GSG1L: variants seen among roughly 807,000 people sequenced by gnomAD.
GSG1L encodes the protein germ cell-specific gene 1-like protein.
GSG1L carries 24 observed loss-of-function variants against 42.1 expected under a neutral mutation model. The observed-to-expected ratio is 0.57, with a 90% CI of 0.41 to 0.80. The LOEUF (loss-of-function observed/expected upper bound fraction) is 0.80. Ranked by LOEUF, GSG1L falls within the 30% of genes least tolerant of loss-of-function variation. GSG1L has a pLI of 0.00. For missense variants in GSG1L, 445 were observed against 472.2 expected (o/e 0.94, Z 0.53); for synonymous variants, 215 against 203.5 (o/e 1.06, Z -0.48).
chr16:27,992,450 G>T (rs948516434), intron 1 of GSG1L, among the ~76,000 whole-genome samples: 1 of 151,512 alleles, frequency 6.6e-6, no homozygotes, highest in African/African-American at 2.4e-5. Context: ...AGCTGAGATT[G>T]TGTCACTGCA....
At chr16:27,946,657 AAAG>A (rs2084874620) in intron 2 of GSG1L, among the ~76,000 whole-genome samples, 1 of 4,576 alleles carries the variant, frequency 2.2e-4, no homozygotes, top group African/African-American at 1.4e-3. Context: ...GAAAGAAAGA[AAAG>A]AAAGAAAGAA....
chr16:27,829,013 A>T (rs1167010152), intron 4 of GSG1L, 57 bp from the exon 5 acceptor site: 7 of 1,531,690 alleles, frequency 4.6e-6, no homozygotes, highest in East Asian at 2.3e-5. Context: ...GACAGGAAAA[A>T]TCCCACACCC....
chr16:27,821,291 AT>A (rs1025766806), intron 5 of GSG1L, among the ~76,000 whole-genome samples: 151 of 146,772 alleles, frequency 1.0e-3, no homozygotes, highest in Middle Eastern at 3.5e-3. Flanking sequence ...GATTTCTTGT[AT>A]TTTTTTTTTT....
At chr16:28,039,574 C>T (rs941055699) in intron 1 of GSG1L, among the ~76,000 whole-genome samples, 1 of 151,452 alleles carries the variant, frequency 6.6e-6, no homozygotes, top group African/African-American at 2.4e-5. Flanking sequence ...TATGTGCACA[C>T]ACGCGCACAC....
chr16:27,941,664 T>G (rs1487679212), intron 2 of GSG1L, among the ~76,000 whole-genome samples: 14 of 24,800 alleles, frequency 5.6e-4, no homozygotes. Context: ...TAGAGCATGT[T>G]AGTGTATCTT....
chr16:27,842,151 AATTTCACACCAGTAGCACGATGTCGCGCG>A (rs1432927554), intron 4 of GSG1L, among the ~76,000 whole-genome samples: 44 of 119,846 alleles, frequency 3.7e-4, no homozygotes, highest in African/African-American at 1.2e-3. Context: ...GCGCGTGCCG[AATTTCACACCAGTAGCACGATGTCGCGCG>A]TGCCGAATTT....
At chr16:27,841,974 C>T (rs11646943) in intron 4 of GSG1L, among the ~76,000 whole-genome samples, 22,791 of 150,032 alleles carry the variant, frequency 0.15, 1,885 homozygotes, top group East Asian at 0.22. Context: ...TGATTCTCAG[C>T]ATCTGCATAT....
intron 2 of GSG1L, among the ~76,000 whole-genome samples, chr16:27,897,506 C>T (rs2084204833): frequency 6.6e-6 from 1 of 152,104 alleles, no homozygotes; most frequent in Admixed American, 6.5e-5. Context: ...CACCCTATTG[C>T]CCAGGGTGGT....
At chr16:27,988,768 G>T (rs1305192968) in intron 1 of GSG1L, among the ~76,000 whole-genome samples, 1 of 149,774 alleles carries the variant, frequency 6.7e-6, no homozygotes, top group African/African-American at 2.4e-5. Flanking sequence ...AAAAAAAAAG[G>T]AGAGGGCTGG....
At chr16:27,892,667 G>T (rs912423863) in intron 2 of GSG1L, among the ~76,000 whole-genome samples, 4 of 151,918 alleles carry the variant, frequency 2.6e-5, no homozygotes, top group African/African-American at 9.7e-5. Context: ...GTGTGTGCCT[G>T]TGATCTCAGC....
chr16:27,880,125 A>G (rs1296748495), intron 3 of GSG1L, among the ~76,000 whole-genome samples: 3 of 152,150 alleles, frequency 2.0e-5, no homozygotes, highest in Non-Finnish European at 4.4e-5. Flanking sequence ...TCCCTCCCAC[A>G]GGAGCAGAGC....
At chr16:27,987,920 C>CT (rs2085405197) in intron 1 of GSG1L, among the ~76,000 whole-genome samples, 1 of 125,852 alleles carries the variant, frequency 7.9e-6, no homozygotes, top group Admixed American at 1.0e-4. Flanking sequence ...GCACTCCAGC[C>CT]TGGCAACAGA....
intron 4 of GSG1L, among the ~76,000 whole-genome samples, chr16:27,837,190 C>T (rs2083330266): frequency 6.6e-6 from 1 of 152,112 alleles, no homozygotes; most frequent in African/African-American, 2.4e-5. Flanking sequence ...CAAGGCCACA[C>T]GGGAAGGAGG....
chr16:27,863,678 C>T (rs1161339554), intron 3 of GSG1L, among the ~76,000 whole-genome samples: 2 of 152,336 alleles, frequency 1.3e-5, no homozygotes, highest in Admixed American at 6.5e-5. Flanking sequence ...AAAGGCCTGA[C>T]TCAGCTCAGG....
At chr16:28,033,953 G>T (rs528625870) in intron 1 of GSG1L, among the ~76,000 whole-genome samples, 1 of 152,082 alleles carries the variant, frequency 6.6e-6, no homozygotes, top group South Asian at 2.1e-4. Flanking sequence ...AGTCCACAGC[G>T]CACACACACA....
intron 3 of GSG1L, among the ~76,000 whole-genome samples, chr16:27,854,618 G>C (rs2083553435): frequency 6.6e-6 from 1 of 152,152 alleles, no homozygotes; most frequent in Non-Finnish European, 1.5e-5. Flanking sequence ...TGTTCAAAAA[G>C]AGTGATGTCC....
rs374584293 is a variant in GSG1L, at chr16:27,963,223, G to A, written c.350-20C>T. 97 of 1,612,764 alleles carry A rather than the reference G, an allele frequency of 6.0e-5. 1 individual carries two copies. The Middle Eastern group carries it at 1.2e-3, about 19-fold the overall frequency. ...TTTCACCTTTGAAAAGAAGAGAAGCGTTTTCAGAATGTGAGAGGACACGTG... is the reference window on the plus strand; with the variant it reads ...TTTCACCTTTGAAAAGAAGAGAAGCATTTTCAGAATGTGAGAGGACACGTG... On this transcript the variant is annotated intron_variant, in intron 1 of 6. Transcript: ENST00000447459.
At chr16:27,994,451 C>A (rs960314117) in intron 1 of GSG1L, among the ~76,000 whole-genome samples, 1 of 152,182 alleles carries the variant, frequency 6.6e-6, no homozygotes, top group Non-Finnish European at 1.5e-5. Flanking sequence ...ATTGCTCTAA[C>A]TCTTGCTGAT....
At chr16:27,898,049 C>G (rs2141039171) in intron 2 of GSG1L, among the ~76,000 whole-genome samples, 1 of 152,318 alleles carries the variant, frequency 6.6e-6, no homozygotes, top group Middle Eastern at 3.4e-3. Context: ...TGCCTCTGGC[C>G]CCTAGAGTTC....
Sources: allele counts gnomAD v4.1 joint callset (sites outside exome capture counted in the v4.1 genomes callset), GRCh38; gene constraint gnomAD v4.1.1; transcripts MANE v1.5; gene names NCBI Gene and HGNC (gene_info 2026-07-23, HGNC 2026-07-21).